The following PCDHGB5 variants were observed in gnomAD, a reference collection of about 807,000 sequenced individuals.
PCDHGB5 encodes the protein protocadherin gamma-B5.
A neutral mutation model predicts 62.9 loss-of-function variants in PCDHGB5; 48 were observed. The ratio of observed to expected loss-of-function variants is 0.76; its 90% confidence interval spans 0.61 to 0.97. The LOEUF (loss-of-function observed/expected upper bound fraction) is 0.97. Among genes scored for constraint, PCDHGB5 ranks in the 50% least tolerant of loss-of-function variants. The pLI, the probability that PCDHGB5 is intolerant of heterozygous loss-of-function variation, is 0.00. For missense variants in PCDHGB5, 1,118 were observed against 1,198.6 expected (o/e 0.93, Z 0.99); for synonymous variants, 474 against 511.2 (o/e 0.93, Z 0.98).
intron 1 of PCDHGB5, chr5:141,409,837 C>T (rs182654621): frequency 2.2e-5 from 36 of 1,611,350 alleles, no homozygotes; most frequent in Non-Finnish European, 2.9e-5. Context: ...TCAGCGCCAA[C>T]GTGAGCCTGC....
Position 141,477,483 on chromosome 5 carries a change from A to G in PCDHGB5, c.2398-17324A>G. The G allele has an allele frequency of 6.2e-7, 1 of 1,614,028 alleles. No individual in the cohort carries two copies. On this transcript the variant is annotated intron_variant, in intron 1 of 3. Coordinates refer to ENST00000617380, the MANE Select transcript of PCDHGB5 (RefSeq NM_018925.3). The surrounding 1 kb of genome is among the most constrained non-coding windows in gnomAD (Gnocchi z 4.9). ...TCCGACATCAATGACAACCCTCCAC[A>G]ATCTTCTCAATCTTCCTACGACGTT...
chr5:141,484,334 A>G (rs988395353), intron 1 of PCDHGB5, among the ~76,000 whole-genome samples: 3 of 152,192 alleles, frequency 2.0e-5, no homozygotes, highest in East Asian at 1.9e-4. Context: ...CTTGAAATCA[A>G]TGAATGGTAA....
At position 141,432,640 on chromosome 5, in the gene PCDHGB5, C is replaced by T. The variant is rs2097523683; in HGVS notation, c.2397+32116C>T. On this transcript the variant is annotated intron_variant, in intron 1 of 3. Transcript: ENST00000617380. This position sits in a 1 kb window ranked among gnomAD's most constrained non-coding sequence, Gnocchi z 6.0. ...TGGGTCTGCACACGGGCGAGGTGCG[C>T]ACGGCGCGAGCCCTGCTGGACAGAG... 1.9e-6 allele frequency: 3 copies of T among 1,613,814 alleles called. No individual in the cohort carries two copies. The highest frequency in any genetic ancestry group is 2.5e-6 in the Non-Finnish European group (3 of 1,179,932).
At chr5:141,507,183 C>T (rs2099859036) in intron 3 of PCDHGB5, 1 of 152,428 alleles carries the variant, frequency 6.6e-6, no homozygotes, top group Non-Finnish European at 1.5e-5. Flanking sequence ...TCCTCGAGCT[C>T]TGCTTTATTC....
intron 1 of PCDHGB5, chr5:141,418,830 G>A (rs371820904): frequency 1.2e-6 from 2 of 1,613,976 alleles, no homozygotes; most frequent in Non-Finnish European, 1.7e-6. Flanking sequence ...GCAAAAGACC[G>A]AGGATCTCTC....
At chr5:141,483,361 A>G (rs752805137) in intron 1 of PCDHGB5, among the ~76,000 whole-genome samples, 1 of 152,102 alleles carries the variant, frequency 6.6e-6, no homozygotes, top group South Asian at 2.1e-4. Context: ...TTTGAAAGCT[A>G]TTGCAATATT....
rs574059424 is a variant in PCDHGB5 at position 141,426,522 on chromosome 5, G to A, written c.2397+25998G>A. On this transcript the variant is annotated intron_variant, in intron 1 of 3. Transcript: ENST00000617380. ...AGAAACAATACTTTACCGTGAACAC[G>A]GAGAATGGGAACATACTTGTGAGTG... is the stretch of plus-strand genomic sequence containing the variant. The A allele has an allele frequency of 4.4e-5, 15 of 341,518 alleles. No individual in the cohort carries two copies. In the East Asian group the frequency reaches 6.0e-4, roughly 14 times the overall value. 21.2% of individuals were successfully genotyped at this position (341,518 alleles called of 1,614,324 possible).
chr5:141,415,967 C>A, intron 1 of PCDHGB5: 1 of 389,100 alleles, frequency 2.6e-6, no homozygotes, highest in Non-Finnish European at 4.2e-6. Context: ...AACTCCAGCC[C>A]CTTAAGCAAC....
chr5:141,430,855 C>T, intron 1 of PCDHGB5: 7 of 1,588,596 alleles, frequency 4.4e-6, no homozygotes, highest in Non-Finnish European at 6.0e-6. Context: ...CCCAGATACG[C>T]TATTCAGTTC....
At chr5:141,465,032 A>C (rs2154568703) in intron 1 of PCDHGB5, among the ~76,000 whole-genome samples, 1 of 151,870 alleles carries the variant, frequency 6.6e-6, no homozygotes, top group Admixed American at 6.6e-5. Context: ...ATGAACCACC[A>C]CAAATGACCC....
Position 141,431,041 on chromosome 5 carries a change from G to C in PCDHGB5, c.2397+30517G>C, listed in dbSNP as rs2097339173. On this transcript the variant is annotated intron_variant, in intron 1 of 3. Coordinates refer to ENST00000617380, the MANE Select transcript of PCDHGB5 (RefSeq NM_018925.3). The surrounding 1 kb of genome is among the most constrained non-coding windows in gnomAD (Gnocchi z 4.8). ...CGGCGGGCAGGATAGACCGGGAGGA[G>C]CTCTGTATGGGGGCCATCAAGTGTC... The C allele has an allele frequency of 6.2e-7, 1 of 1,614,116 alleles. No homozygotes were observed. Among genetic ancestry groups the C allele is most frequent in the Non-Finnish European group, 8.5e-7 (1 of 1,180,046 alleles).
intron 1 of PCDHGB5, chr5:141,421,041 C>G (rs963777669): frequency 5.5e-6 from 3 of 546,514 alleles, no homozygotes; most frequent in Non-Finnish European, 9.5e-6. Context: ...TCCCTCCCTC[C>G]CCCGCCTCTA....
Position 141,476,944 on chromosome 5 carries a change from C to T in PCDHGB5, c.2398-17863C>T, listed in dbSNP as rs1360022622. The T allele has an allele frequency of 3.3e-5, 53 of 1,614,072 alleles. No homozygotes were observed. The highest frequency in any genetic ancestry group is 4.1e-5 in the Non-Finnish European group (48 of 1,180,052). ...CAACGGATCTGGATGAAGGCCCCAACGGTGAAATTATTTACTCCTTCGGCA... is the reference window on the plus strand; with the variant it reads ...CAACGGATCTGGATGAAGGCCCCAATGGTGAAATTATTTACTCCTTCGGCA... On this transcript the variant is annotated intron_variant, in intron 1 of 3. Transcript: ENST00000617380. The surrounding 1 kb of genome is among the most constrained non-coding windows in gnomAD (Gnocchi z 7.6).
intron 2 of PCDHGB5, among the ~76,000 whole-genome samples, chr5:141,501,294 C>CAT (rs200497585): frequency 0.16 from 9,924 of 62,810 alleles, 350 homozygotes; most frequent in Non-Finnish European, 0.25. Flanking sequence ...CCCTTATACA[C>CAT]ACACACACAC....
intron 2 of PCDHGB5, among the ~76,000 whole-genome samples, chr5:141,500,001 A>G (rs961582279): frequency 6.6e-5 from 10 of 151,914 alleles, no homozygotes; most frequent in African/African-American, 2.4e-4. Context: ...TGATTCTTTC[A>G]TAAGGTCCAC....
At chr5:141,494,940 AG>A (rs888721888) in intron 2 of PCDHGB5, 75 bp downstream of exon 2, 1 of 1,610,860 alleles carries the variant, frequency 6.2e-7, no homozygotes, top group Non-Finnish European at 8.5e-7. Flanking sequence ...GAGATGGGGG[AG>A]GGCCCAGCAT....
chr5:141,431,799 T>A lies in PCDHGB5; in HGVS notation c.2397+31275T>A. 6.2e-7 allele frequency: 1 copy of A among 1,614,228 alleles called. No homozygotes were observed. The highest frequency in any genetic ancestry group is 8.5e-7 in the Non-Finnish European group (1 of 1,180,036). On this transcript the variant is annotated intron_variant, in intron 1 of 3. Transcript: ENST00000617380. This position sits in a 1 kb window ranked among gnomAD's most constrained non-coding sequence, Gnocchi z 4.8. ...GACGTGAACGACAATGCCCCAGAAG[T>A]GGTCCTCACCTCTCTCGCCAGCTCG...
At position 141,477,761 on chromosome 5, in the gene PCDHGB5, AC is replaced by A. The variant is rs754006143; in HGVS notation, c.2398-17044del. ...CGATGGGGGCACCCCGGTCCTAGCC[AC>A]CAACATCAGCGTGAACATATTTGTC... On this transcript the variant is annotated intron_variant, in intron 1 of 3. Coordinates refer to ENST00000617380, the MANE Select transcript of PCDHGB5 (RefSeq NM_018925.3). This position sits in a 1 kb window ranked among gnomAD's most constrained non-coding sequence, Gnocchi z 4.9. 5 of 1,613,854 alleles carry A rather than the reference AC, an allele frequency of 3.1e-6. No homozygotes were observed. Among genetic ancestry groups the A allele is most frequent in the Non-Finnish European group, 4.2e-6 (5 of 1,180,044 alleles).
intron 1 of PCDHGB5, among the ~76,000 whole-genome samples, chr5:141,453,310 T>C (rs566320120): frequency 6.6e-6 from 1 of 152,044 alleles, no homozygotes; most frequent in South Asian, 2.1e-4. Context: ...TTTATTTATT[T>C]ATTTTAGAGA....
Sources: allele counts gnomAD v4.1 joint callset (sites outside exome capture counted in the v4.1 genomes callset), GRCh38; gene constraint gnomAD v4.1.1; non-coding constraint Gnocchi (gnomAD v3.1); transcripts MANE v1.5; gene names NCBI Gene and HGNC (gene_info 2026-07-23, HGNC 2026-07-21).